The following TBC1D5 variants were observed in gnomAD, a reference collection of about 807,000 sequenced individuals.
The protein encoded by TBC1D5 is TBC1 domain family, member 5.
A neutral mutation model predicts 100.3 loss-of-function variants in TBC1D5; 75 were observed. The observed-to-expected ratio is 0.75, with a 90% CI of 0.62 to 0.91. TBC1D5 has a LOEUF of 0.91. Ranked by LOEUF, TBC1D5 falls within the 40% of genes least tolerant of loss-of-function variation. The probability of loss-of-function intolerance (pLI) is 0.00; values close to 1 mark genes in which losing one functional copy is unlikely to be tolerated. For missense variants in TBC1D5, 910 were observed against 942.4 expected (o/e 0.97, Z 0.45); for synonymous variants, 323 against 325.6 (o/e 0.99, Z 0.09).
At chr3:17,434,689 G>T (rs2094504277) in intron 3 of TBC1D5, among the ~76,000 whole-genome samples, 1 of 152,182 alleles carries the variant, frequency 6.6e-6, no homozygotes, top group East Asian at 1.9e-4. Context: ...GACCTGTGAT[G>T]GAAGGGGCTG....
intron 2 of TBC1D5, among the ~76,000 whole-genome samples, chr3:17,564,609 T>G (rs945252412): frequency 2.0e-5 from 3 of 152,164 alleles, no homozygotes; most frequent in African/African-American, 7.2e-5. Flanking sequence ...GCAAGGAACT[T>G]CTAATATATT....
At chr3:17,566,114 T>C (rs2096592012) in intron 2 of TBC1D5, among the ~76,000 whole-genome samples, 1 of 152,004 alleles carries the variant, frequency 6.6e-6, no homozygotes, top group Non-Finnish European at 1.5e-5. Flanking sequence ...TAATATATAG[T>C]GATAAAAATC....
At chr3:17,353,211 TAAAC>T (rs2090841706) in intron 13 of TBC1D5, among the ~76,000 whole-genome samples, 1 of 152,032 alleles carries the variant, frequency 6.6e-6, no homozygotes, top group African/African-American at 2.4e-5. Flanking sequence ...GAAGTACACT[TAAAC>T]AATAACACAT....
chr3:17,377,931 C>G (rs1056917069), intron 9 of TBC1D5, among the ~76,000 whole-genome samples: 1 of 151,700 alleles, frequency 6.6e-6, no homozygotes, highest in Non-Finnish European at 1.5e-5. Flanking sequence ...TGAAAAAAAT[C>G]TTTCAGATAA....
At chr3:17,605,217 GT>G (rs745674397) in intron 2 of TBC1D5, among the ~76,000 whole-genome samples, 2 of 151,482 alleles carry the variant, frequency 1.3e-5, no homozygotes, top group Non-Finnish European at 2.9e-5. Context: ...CATCAACATG[GT>G]TTTTTTTTAA....
chr3:17,616,597 G>A (rs2062178059), intron 2 of TBC1D5, among the ~76,000 whole-genome samples: 1 of 152,066 alleles, frequency 6.6e-6, no homozygotes, highest in African/African-American at 2.4e-5. Context: ...ATATATTTAG[G>A]ATAGTTAGCT....
intron 3 of TBC1D5, among the ~76,000 whole-genome samples, chr3:17,448,932 T>C (rs969724670): frequency 1.8e-4 from 27 of 152,224 alleles, no homozygotes; most frequent in African/African-American, 5.8e-4. Flanking sequence ...TCTTTAGCTA[T>C]AAAAGTCCTT....
At chr3:17,486,135 G>A (rs1283138800) in intron 3 of TBC1D5, among the ~76,000 whole-genome samples, 1 of 152,114 alleles carries the variant, frequency 6.6e-6, no homozygotes, top group Non-Finnish European at 1.5e-5. Context: ...CTGCATAAAT[G>A]TCTTCTTTTG....
At chr3:17,251,381 G>T (rs967542110) in intron 16 of TBC1D5, among the ~76,000 whole-genome samples, 3 of 151,750 alleles carry the variant, frequency 2.0e-5, no homozygotes, top group Admixed American at 2.0e-4. Flanking sequence ...TCATGCAAGA[G>T]GGGAAGTAAT....
intron 2 of TBC1D5, among the ~76,000 whole-genome samples, chr3:17,517,766 T>C (rs554914763): frequency 4.3e-4 from 65 of 152,240 alleles, no homozygotes; most frequent in Admixed American, 4.2e-3. Flanking sequence ...TGATATACTA[T>C]ATAACTAACT....
intron 1 of TBC1D5, among the ~76,000 whole-genome samples, chr3:17,708,276 G>A (rs1157547359): frequency 6.6e-6 from 1 of 152,108 alleles, no homozygotes; most frequent in African/African-American, 2.4e-5. Context: ...ATCTACTACT[G>A]TATCTATCGA....
intron 2 of TBC1D5, among the ~76,000 whole-genome samples, chr3:17,557,769 A>T (rs916198853): frequency 3.3e-5 from 5 of 152,292 alleles, no homozygotes; most frequent in African/African-American, 1.2e-4. Context: ...AATTTTTTTT[A>T]AATGTTAAAA....
intron 8 of TBC1D5, among the ~76,000 whole-genome samples, chr3:17,388,637 C>A (rs993014734): frequency 3.3e-5 from 5 of 150,124 alleles, no homozygotes; most frequent in African/African-American, 1.2e-4. Flanking sequence ...TCCCTTGAGC[C>A]CAGGGGTTTG....
At chr3:17,457,960 G>A (rs1189121396) in intron 3 of TBC1D5, among the ~76,000 whole-genome samples, 2 of 152,174 alleles carry the variant, frequency 1.3e-5, no homozygotes, top group Non-Finnish European at 2.9e-5. Flanking sequence ...ATATTGGGGT[G>A]TGGGATTTAG....
At chr3:17,352,027 C>A (rs950514602) in intron 13 of TBC1D5, among the ~76,000 whole-genome samples, 3 of 149,432 alleles carry the variant, frequency 2.0e-5, no homozygotes, top group Non-Finnish European at 4.5e-5. Context: ...CACACACACA[C>A]AAAAAACCCT....
At chr3:17,311,871 T>A (rs959422554) in intron 13 of TBC1D5, among the ~76,000 whole-genome samples, 12 of 152,040 alleles carry the variant, frequency 7.9e-5, no homozygotes, top group African/African-American at 2.9e-4. Flanking sequence ...AAAAGCAATG[T>A]TAGATTTTTG....
chr3:17,413,648 T>G (rs1195208201), intron 4 of TBC1D5, among the ~76,000 whole-genome samples: 5 of 152,298 alleles, frequency 3.3e-5, no homozygotes, highest in Non-Finnish European at 4.4e-5. Flanking sequence ...ATAACCTACA[T>G]GATGACTAAT....
intron 2 of TBC1D5, among the ~76,000 whole-genome samples, chr3:17,608,432 C>G (rs1341138076): frequency 6.6e-6 from 1 of 152,118 alleles, no homozygotes; most frequent in African/African-American, 2.4e-5. Context: ...TTAGGATACC[C>G]AAGAGGATCT....
intron 3 of TBC1D5, among the ~76,000 whole-genome samples, chr3:17,447,950 T>C (rs1423154308): frequency 6.6e-6 from 1 of 152,250 alleles, no homozygotes; most frequent in African/African-American, 2.4e-5. Flanking sequence ...TTGTTTTCAC[T>C]GCTAAATTAT....
Sources: allele counts gnomAD v4.1 joint callset (sites outside exome capture counted in the v4.1 genomes callset), GRCh38; gene constraint gnomAD v4.1.1; transcripts MANE v1.5; gene names NCBI Gene and HGNC (gene_info 2026-07-23, HGNC 2026-07-21).